Variants in TBC1D4 observed in about 807,000 individuals in gnomAD.
TBC1D4 encodes the protein TBC1 domain family member 4, also known as TBC (Tre-2, BUB2, CDC16) domain-containing protein.
Under a neutral mutation model 142.5 loss-of-function variants are expected in TBC1D4, and 121 were observed. The observed-to-expected ratio is 0.85, with a 90% CI of 0.73 to 0.99. TBC1D4 has a LOEUF of 0.99. Among genes scored for constraint, TBC1D4 ranks in the 50% least tolerant of loss-of-function variants. The pLI, the probability that TBC1D4 is intolerant of heterozygous loss-of-function variation, is 0.00. For missense variants in TBC1D4, 1,475 were observed against 1,606.6 expected (o/e 0.92, Z 1.40); for synonymous variants, 630 against 628.2 (o/e 1.00, Z -0.04).
chr13:75,293,627 T>C (rs1311386271), intron 18 of TBC1D4, among the ~76,000 whole-genome samples: 1 of 152,218 alleles, frequency 6.6e-6, no homozygotes, highest in Non-Finnish European at 1.5e-5. Flanking sequence ...AGCAATAGTG[T>C]ATATTCAATA....
At chr13:75,312,642 G>T in intron 13 of TBC1D4, 96 bp downstream of exon 13, 1 of 1,491,030 alleles carries the variant, frequency 6.7e-7, no homozygotes, top group Non-Finnish European at 9.3e-7. Flanking sequence ...TTTCTACACT[G>T]TAATCACTTA....
chr13:75,448,154 A>G (rs1409917337), intron 1 of TBC1D4, among the ~76,000 whole-genome samples: 3 of 152,178 alleles, frequency 2.0e-5, no homozygotes, highest in African/African-American at 7.2e-5. Flanking sequence ...TCTTGTATTC[A>G]TGCTGTCTTC....
intron 2 of TBC1D4, among the ~76,000 whole-genome samples, chr13:75,361,415 C>G (rs1405903512): frequency 6.6e-6 from 1 of 152,184 alleles, no homozygotes; most frequent in Non-Finnish European, 1.5e-5. Context: ...GAGTCTCGCT[C>G]TGTCGCCCAG....
At chr13:75,332,039 C>T (rs979802357) in intron 8 of TBC1D4, among the ~76,000 whole-genome samples, 37 of 152,158 alleles carry the variant, frequency 2.4e-4, no homozygotes, top group Non-Finnish European at 4.4e-5. Context: ...CAGTATCCAC[C>T]TTGATCAAAA....
At chr13:75,430,604 A>G (rs762682434) in intron 1 of TBC1D4, among the ~76,000 whole-genome samples, 1 of 152,202 alleles carries the variant, frequency 6.6e-6, no homozygotes, top group Non-Finnish European at 1.5e-5. Context: ...GCTATACATC[A>G]GCTTAGTACT....
intron 1 of TBC1D4, among the ~76,000 whole-genome samples, chr13:75,433,604 T>C (rs1886676614): frequency 6.6e-6 from 1 of 152,202 alleles, no homozygotes; most frequent in Non-Finnish European, 1.5e-5. Flanking sequence ...TTTCCTAACG[T>C]ACTTGATTCA....
intron 1 of TBC1D4, among the ~76,000 whole-genome samples, chr13:75,381,327 T>C (rs930729262): frequency 6.6e-5 from 10 of 152,338 alleles, no homozygotes; most frequent in African/African-American, 1.9e-4. Context: ...GGCCTATAAC[T>C]GCCACTCAGT....
chr13:75,478,241 C>T (rs1888697951), intron 1 of TBC1D4, among the ~76,000 whole-genome samples: 1 of 152,206 alleles, frequency 6.6e-6, no homozygotes, highest in Admixed American at 6.5e-5. Context: ...CAAACTTTGC[C>T]ATGGTGACCA....
At chr13:75,433,821 G>A (rs954503783) in intron 1 of TBC1D4, among the ~76,000 whole-genome samples, 1 of 151,944 alleles carries the variant, frequency 6.6e-6, no homozygotes, top group African/African-American at 2.4e-5. Context: ...AAATTTACAA[G>A]GGAAAAACAA....
At chr13:75,354,292 T>C (rs1881857114) in intron 4 of TBC1D4, among the ~76,000 whole-genome samples, 1 of 152,114 alleles carries the variant, frequency 6.6e-6, no homozygotes, top group Admixed American at 6.5e-5. Context: ...GGAAATTTTG[T>C]GAGAAATAAA....
At chr13:75,436,079 T>A (rs780648808) in intron 1 of TBC1D4, among the ~76,000 whole-genome samples, 31 of 152,226 alleles carry the variant, frequency 2.0e-4, no homozygotes, top group Non-Finnish European at 3.2e-4. Context: ...GGTTTTCCCA[T>A]GCTGTTCTCA....
chr13:75,332,565 AG>A (rs1416327001), intron 8 of TBC1D4, among the ~76,000 whole-genome samples: 2 of 126,596 alleles, frequency 1.6e-5, no homozygotes, highest in Non-Finnish European at 3.5e-5. Context: ...CTCACCTGGA[AG>A]GCTTGTTGAA....
At chr13:75,311,108 A>G (rs569724554) in intron 13 of TBC1D4, among the ~76,000 whole-genome samples, 3 of 152,182 alleles carry the variant, frequency 2.0e-5, no homozygotes, top group Non-Finnish European at 2.9e-5. Context: ...AAACATTTCA[A>G]TGGTTGCTTA....
chr13:75,356,821 T>C (rs993184776), intron 3 of TBC1D4, among the ~76,000 whole-genome samples: 2 of 152,178 alleles, frequency 1.3e-5, no homozygotes, highest in African/African-American at 4.8e-5. Flanking sequence ...TCATTGTACT[T>C]CCTGGACCCA....
At chr13:75,471,037 TA>T (rs894974425) in intron 1 of TBC1D4, among the ~76,000 whole-genome samples, 2 of 151,772 alleles carry the variant, frequency 1.3e-5, no homozygotes, top group Admixed American at 6.6e-5. Context: ...CTGGAGAAAT[TA>T]AAGGTTGATT....
In TBC1D4 at chr13:75,362,168, C is replaced by G. The variant is rs1389108674; in HGVS notation, c.938G>C (p.Arg313Pro). The G allele has an allele frequency of 1.9e-6, 3 of 1,613,460 alleles. No homozygotes were observed. The highest frequency in any genetic ancestry group is 1.1e-5 in the South Asian group (1 of 91,062). ...DSGFDEQQEF[R>P]SRCSSVTGVQ... ...GCCGGTGACACTGCTGCACCGAGAC[C>G]GAAACTCCTGCTGCTCATCAAAGCC... The change falls in exon 2 of 21, where the codon CGG becomes CCG. Residue 313 changes from arginine to proline, a missense_variant. Physicochemically the swap from Arg to Pro is moderately radical, Grantham distance 103. Transcript: ENST00000377636. This position sits in a 1 kb window ranked among gnomAD's most constrained non-coding sequence, Gnocchi z 4.2.
At chr13:75,304,759 T>G (rs1876989582) in intron 15 of TBC1D4, among the ~76,000 whole-genome samples, 3 of 149,732 alleles carry the variant, frequency 2.0e-5, no homozygotes, top group African/African-American at 2.5e-5. Context: ...GAGGATGGAG[T>G]GGAAAGAAAG....
chr13:75,352,682 T>A (rs560817), intron 4 of TBC1D4, among the ~76,000 whole-genome samples: 1 of 152,006 alleles, frequency 6.6e-6, no homozygotes, highest in Non-Finnish European at 1.5e-5. Context: ...AAAGGAAGAA[T>A]TGATCATCTA....
intron 1 of TBC1D4, among the ~76,000 whole-genome samples, chr13:75,393,730 G>A (rs576772652): frequency 7.9e-5 from 12 of 152,108 alleles, no homozygotes; most frequent in South Asian, 2.1e-4. Context: ...TTGGGAGTTC[G>A]CGACCAGCCT....
Sources: allele counts gnomAD v4.1 joint callset (sites outside exome capture counted in the v4.1 genomes callset), GRCh38; gene constraint gnomAD v4.1.1; non-coding constraint Gnocchi (gnomAD v3.1); transcripts MANE v1.5; gene names NCBI Gene and HGNC (gene_info 2026-07-23, HGNC 2026-07-21).